FSTL1: variants seen among roughly 807,000 people sequenced by gnomAD.
FSTL1 encodes the protein follistatin like 1, also known as follistatin-related protein 1.
A neutral mutation model predicts 45.9 loss-of-function variants in FSTL1; 24 were observed. That is an observed-to-expected ratio of 0.52 (90% CI 0.38 to 0.74). The LOEUF is 0.74. Ranked by LOEUF, FSTL1 falls within the 30% of genes least tolerant of loss-of-function variation. The pLI is 0.00. For missense variants in FSTL1, 340 were observed against 381.8 expected, an observed-to-expected ratio of 0.89 and a Z score of 0.91; for synonymous variants, 120 against 137.6, an observed-to-expected ratio of 0.87 and a Z score of 0.89.
intron 2 of FSTL1, among the ~76,000 whole-genome samples, chr3:120,427,115 TA>T (rs1479823696): frequency 6.6e-6 from 1 of 152,162 alleles, no homozygotes; most frequent in East Asian, 1.9e-4. Context: ...CAAGACCACC[TA>T]AAAAAATAAT....
intron 2 of FSTL1, among the ~76,000 whole-genome samples, chr3:120,427,127 G>A (rs1232675708): frequency 6.6e-6 from 1 of 152,100 alleles, no homozygotes. Context: ...AAAAAATAAT[G>A]TCACCATCTG....
chr3:120,430,551 T>C (rs1354105347), intron 2 of FSTL1, among the ~76,000 whole-genome samples: 2 of 152,232 alleles, frequency 1.3e-5, no homozygotes, highest in Non-Finnish European at 2.9e-5. Flanking sequence ...TGGATTTTAA[T>C]AGTCCAGTTT....
chr3:120,405,529 C>T (rs571445337), intron 6 of FSTL1, among the ~76,000 whole-genome samples: 2 of 152,242 alleles, frequency 1.3e-5, no homozygotes, highest in Admixed American at 6.5e-5. Context: ...CTTTGGTGCC[C>T]GTAACTGATC....
chr3:120,408,010 G>A (rs1936979050), intron 6 of FSTL1, among the ~76,000 whole-genome samples: 1 of 152,202 alleles, frequency 6.6e-6, no homozygotes, highest in South Asian at 2.1e-4. Context: ...TGCCATCAAA[G>A]GGCCACTAAA....
chr3:120,397,156 C>G (rs1011833181), intron 10 of FSTL1, among the ~76,000 whole-genome samples, 160 bp from the exon 11 acceptor site: 9 of 152,184 alleles, frequency 5.9e-5, no homozygotes, highest in Admixed American at 2.0e-4. Flanking sequence ...AATTTGAGAA[C>G]AAGAACTATG....
In FSTL1 at chr3:120,393,714, A is replaced by T. The variant is rs1455619934; in HGVS notation, c.*3238T>A. The T allele has an allele frequency of 2.6e-5, 4 of 152,204 alleles. No homozygotes were observed. The highest frequency in any genetic ancestry group is 9.7e-5 in the African/African-American group (4 of 41,442). 9.4% of individuals were successfully genotyped at this position (152,204 alleles called of 1,614,324 possible). On this transcript the variant is annotated 3_prime_UTR_variant, in exon 11 of 11. Transcript: ENST00000295633. Reference sequence around the variant, plus strand: ...TGAATGTTTATGTCCCCCAAAATTCATATGTTAAAATTGAATCCCCAAAGC... The same window carrying T: ...TGAATGTTTATGTCCCCCAAAATTCTTATGTTAAAATTGAATCCCCAAAGC...
chr3:120,450,470 G>A (rs536363897), intron 2 of FSTL1, among the ~76,000 whole-genome samples: 1 of 152,208 alleles, frequency 6.6e-6, no homozygotes, highest in East Asian at 1.9e-4. Context: ...GCCGCGGCGG[G>A]GCTCCCGCTT....
At chr3:120,431,470 C>T (rs918009783) in intron 2 of FSTL1, among the ~76,000 whole-genome samples, 2 of 152,162 alleles carry the variant, frequency 1.3e-5, no homozygotes, top group East Asian at 1.9e-4. Flanking sequence ...GGACTAGCCA[C>T]GTTTCAAGTG....
intron 4 of FSTL1, 75 bp downstream of exon 4, chr3:120,411,779 C>T: frequency 3.2e-5 from 43 of 1,341,580 alleles, no homozygotes; most frequent in Non-Finnish European, 4.5e-5. Context: ...ACCATGTGGT[C>T]AGCCAGGCCA....
intron 8 of FSTL1, 73 bp from the exon 9 acceptor site, chr3:120,402,991 C>T (rs1388535776): frequency 3.0e-6 from 3 of 991,502 alleles, no homozygotes; most frequent in Non-Finnish European, 3.3e-6. Context: ...ACAGTCTGTG[C>T]ACCTTACCCT....
intron 2 of FSTL1, among the ~76,000 whole-genome samples, chr3:120,450,044 C>T (rs1161028598): frequency 6.6e-6 from 1 of 151,864 alleles, no homozygotes; most frequent in Admixed American, 6.6e-5. Context: ...AAAAAACAAG[C>T]GCTGAAATGC....
chr3:120,449,213 T>C (rs559244572), intron 2 of FSTL1, among the ~76,000 whole-genome samples: 1 of 152,346 alleles, frequency 6.6e-6, no homozygotes, highest in South Asian at 2.1e-4. Context: ...CCTGGGCAAG[T>C]TACCTAATCT....
chr3:120,426,811 T>C (rs559910174), intron 2 of FSTL1, among the ~76,000 whole-genome samples: 1 of 152,260 alleles, frequency 6.6e-6, no homozygotes, highest in East Asian at 1.9e-4. Context: ...GCGTTTTTCC[T>C]CTCTCCTGGG....
intron 2 of FSTL1, among the ~76,000 whole-genome samples, chr3:120,422,220 C>T (rs552960134): frequency 4.6e-4 from 70 of 152,230 alleles, no homozygotes; most frequent in African/African-American, 7.0e-4. Context: ...TACAAAGTTT[C>T]GGTTATGCAA....
intron 2 of FSTL1, among the ~76,000 whole-genome samples, chr3:120,431,261 G>A (rs757274272): frequency 1.5e-4 from 23 of 152,172 alleles, no homozygotes; most frequent in Non-Finnish European, 2.8e-4. Context: ...GTGAGCCACC[G>A]CACCCGGCCT....
Position 120,394,155 on chromosome 3 carries a change from C to T in FSTL1, c.*2797G>A, listed in dbSNP as rs947119029. On this transcript the variant is annotated 3_prime_UTR_variant, in exon 11 of 11. Transcript: ENST00000295633. ...AAACTTTCCATCCAAGCTGTAGTCC[C>T]AGGAGAAACTCTTCAGTCCTTTTTA... 10 of 152,186 alleles carry T rather than the reference C, an allele frequency of 6.6e-5. No homozygotes were observed. Among genetic ancestry groups the T allele is most frequent in the African/African-American group, 2.4e-4 (10 of 41,438 alleles). The allele number at this position is 152,186 out of a possible 1,614,324, so 9.4% of individuals were successfully genotyped here. A position where few individuals can be genotyped will look rare whatever the true frequency, so the allele number is the denominator to read the frequency against.
intron 3 of FSTL1, among the ~76,000 whole-genome samples, chr3:120,412,806 ACACACACACATGTGCGCGCGCGCGCGCG>A (rs1203813645): frequency 3.0e-5 from 4 of 135,494 alleles, no homozygotes; most frequent in South Asian, 2.6e-4. Context: ...AGGCAGGCAA[ACACACACACATGTGCGCGCGCGCGCGCG>A]CGCGCACACA....
intron 5 of FSTL1, 103 bp downstream of exon 5, chr3:120,410,849 T>TAGA (rs750365283): frequency 2.2e-6 from 2 of 917,864 alleles, no homozygotes; most frequent in Admixed American, 3.4e-5. Context: ...TTCTGATGCA[T>TAGA]AGAAGATCTT....
At chr3:120,404,033 G>A (rs1936898570) in intron 7 of FSTL1, among the ~76,000 whole-genome samples, 1 of 150,628 alleles carries the variant, frequency 6.6e-6, no homozygotes, top group Non-Finnish European at 1.5e-5. Flanking sequence ...TTCTTTCTTG[G>A]GCTGTATTTG....
Sources: allele counts gnomAD v4.1 joint callset (sites outside exome capture counted in the v4.1 genomes callset), GRCh38; gene constraint gnomAD v4.1.1; transcripts MANE v1.5; gene names NCBI Gene and HGNC (gene_info 2026-07-23, HGNC 2026-07-21).